The following PDZRN4 variants were observed in gnomAD, a reference collection of about 807,000 sequenced individuals.
The protein encoded by PDZRN4 is PDZ domain containing ring finger 4, also known as PDZ domain-containing RING finger protein 4.
A neutral mutation model predicts 99.0 loss-of-function variants in PDZRN4; 70 were observed. That is an observed-to-expected ratio of 0.71 (90% confidence interval 0.58 to 0.86). PDZRN4 has a LOEUF of 0.86. Among genes scored for constraint, PDZRN4 ranks in the 40% least tolerant of loss-of-function variants. The pLI is 0.00. For missense variants in PDZRN4, 1,474 were observed against 1,331.2 expected (o/e 1.11, Z -1.67); for synonymous variants, 551 against 501.6 (o/e 1.10, Z -1.32).
intron 2 of PDZRN4, among the ~76,000 whole-genome samples, chr12:41,192,130 G>A (rs1352483947): frequency 6.6e-6 from 1 of 151,550 alleles, no homozygotes; most frequent in African/African-American, 2.4e-5. Flanking sequence ...TTTTGAGTTG[G>A]AGTATCACTC....
intron 3 of PDZRN4, among the ~76,000 whole-genome samples, chr12:41,244,166 T>C (rs1028568695): frequency 6.6e-6 from 1 of 152,174 alleles, no homozygotes; most frequent in African/African-American, 2.4e-5. Flanking sequence ...TCCCCCAATT[T>C]GGTAAATGGC....
intron 3 of PDZRN4, among the ~76,000 whole-genome samples, chr12:41,313,022 T>C (rs1014615173): frequency 5.9e-5 from 9 of 152,180 alleles, no homozygotes; most frequent in African/African-American, 2.2e-4. Context: ...AGGACACTTA[T>C]TGCCTTATTT....
At chr12:41,554,826 T>C (rs1165312637) in intron 6 of PDZRN4, among the ~76,000 whole-genome samples, 2 of 151,812 alleles carry the variant, frequency 1.3e-5, no homozygotes, top group Non-Finnish European at 2.9e-5. Flanking sequence ...TGTGTATGTG[T>C]GTGTGTGTGT....
intron 3 of PDZRN4, among the ~76,000 whole-genome samples, chr12:41,479,735 C>T (rs550081683): frequency 1.6e-4 from 24 of 152,088 alleles, no homozygotes; most frequent in Non-Finnish European, 3.5e-4. Context: ...GTGGACATGT[C>T]TCTTTGTTCA....
intron 3 of PDZRN4, among the ~76,000 whole-genome samples, chr12:41,201,737 C>T (rs191284097): frequency 4.7e-4 from 72 of 152,114 alleles, no homozygotes; most frequent in Admixed American, 1.1e-3. Context: ...ATATTTATTA[C>T]GAGATCAATC....
At chr12:41,222,704 T>A (rs1348461898) in intron 3 of PDZRN4, among the ~76,000 whole-genome samples, 1 of 151,996 alleles carries the variant, frequency 6.6e-6, no homozygotes, top group Non-Finnish European at 1.5e-5. Context: ...TTTGTATTTT[T>A]AGTAGAGATG....
intron 3 of PDZRN4, among the ~76,000 whole-genome samples, chr12:41,305,996 A>C (rs554623971): frequency 6.6e-6 from 1 of 152,304 alleles, no homozygotes; most frequent in Non-Finnish European, 1.5e-5. Flanking sequence ...TTTCAAAAAC[A>C]CAATAGTGGG....
chr12:41,369,057 T>C (rs1455240021), intron 3 of PDZRN4, among the ~76,000 whole-genome samples: 7 of 152,160 alleles, frequency 4.6e-5, no homozygotes, highest in Admixed American at 2.0e-4. Context: ...TTTCCTGTTA[T>C]GAAAAACTTT....
intron 3 of PDZRN4, among the ~76,000 whole-genome samples, chr12:41,346,958 G>A (rs1281610927): frequency 1.3e-5 from 2 of 152,070 alleles, no homozygotes; most frequent in African/African-American, 4.8e-5. Context: ...AAGGTGCATT[G>A]ATTTTCTTGC....
chr12:41,312,229 C>A (rs1951611499), intron 3 of PDZRN4, among the ~76,000 whole-genome samples: 2 of 151,170 alleles, frequency 1.3e-5, no homozygotes, highest in African/African-American at 2.4e-5. Context: ...TATTTATGAG[C>A]AGCTTTCCCT....
At chr12:41,302,090 ATG>A (rs1167421367) in intron 3 of PDZRN4, among the ~76,000 whole-genome samples, 6 of 152,014 alleles carry the variant, frequency 3.9e-5, no homozygotes, top group African/African-American at 1.4e-4. Context: ...TTGTGTGTAT[ATG>A]TGTCTGATTA....
chr12:41,437,660 T>C (rs753444349), intron 3 of PDZRN4: 61 of 893,738 alleles, frequency 6.8e-5, no homozygotes, highest in Non-Finnish European at 9.0e-5. Context: ...GGAATCTGTG[T>C]AGTCATGTGC....
intron 3 of PDZRN4, among the ~76,000 whole-genome samples, chr12:41,234,340 G>T (rs966216842): frequency 1.3e-5 from 2 of 152,032 alleles, no homozygotes; most frequent in Non-Finnish European, 2.9e-5. Context: ...AGAAACTCAA[G>T]ACCATTGGTC....
chr12:41,351,995 A>ATAAATAAATAAATAAG (rs1951893543), intron 3 of PDZRN4, among the ~76,000 whole-genome samples: 1 of 151,588 alleles, frequency 6.6e-6, no homozygotes, highest in Non-Finnish European at 1.5e-5. Flanking sequence ...AAATAAATAA[A>ATAAATAAATAAATAAG]TAAATAAATA....
At chr12:41,348,460 G>A (rs1258833269) in intron 3 of PDZRN4, among the ~76,000 whole-genome samples, 1 of 152,126 alleles carries the variant, frequency 6.6e-6, no homozygotes, top group East Asian at 1.9e-4. Context: ...GCACCAAACT[G>A]TGCTAGTAGT....
At chr12:41,385,655 G>A (rs1236749911) in intron 3 of PDZRN4, among the ~76,000 whole-genome samples, 1 of 152,106 alleles carries the variant, frequency 6.6e-6, no homozygotes, top group Non-Finnish European at 1.5e-5. Context: ...GCAACAATGA[G>A]CTCTGAAATT....
intron 3 of PDZRN4, among the ~76,000 whole-genome samples, chr12:41,406,399 C>T (rs1392618334): frequency 6.6e-6 from 1 of 152,102 alleles, no homozygotes; most frequent in African/African-American, 2.4e-5. Context: ...AGGAGGATGG[C>T]TCCTTACGTC....
intron 3 of PDZRN4, among the ~76,000 whole-genome samples, chr12:41,245,369 A>G (rs560688801): frequency 6.6e-5 from 10 of 152,314 alleles, no homozygotes; most frequent in African/African-American, 2.2e-4. Context: ...GCCTGATACT[A>G]TTTCAATCCT....
At chr12:41,519,887 T>C (rs1938464827) in intron 5 of PDZRN4, among the ~76,000 whole-genome samples, 1 of 152,092 alleles carries the variant, frequency 6.6e-6, no homozygotes, top group Admixed American at 6.6e-5. Context: ...CTCAGGCCTA[T>C]ATAATGAAAT....
Sources: allele counts gnomAD v4.1 joint callset (sites outside exome capture counted in the v4.1 genomes callset), GRCh38; gene constraint gnomAD v4.1.1; transcripts MANE v1.5; gene names NCBI Gene and HGNC (gene_info 2026-07-23, HGNC 2026-07-21).